SENP7: variants seen among roughly 807,000 people sequenced by gnomAD.
The protein encoded by SENP7 is sentrin-specific protease 7.
SENP7 carries 64 observed loss-of-function variants against 141.2 expected under a neutral mutation model. The ratio of observed to expected loss-of-function variants is 0.45; its 90% CI spans 0.37 to 0.56. The LOEUF (loss-of-function observed/expected upper bound fraction) is 0.56, where lower values mean the gene tolerates loss of function less well. SENP7 is among the 20% of genes least tolerant of loss of function. The pLI is 0.00. For synonymous variants in SENP7, 382 were observed against 426.4 expected (o/e 0.90, Z 1.28); for missense variants, 1,025 against 1,212.2 (o/e 0.85, Z 2.29).
chr3:101,474,160 C>T (rs1282939765), intron 3 of SENP7, among the ~76,000 whole-genome samples: 1 of 152,050 alleles, frequency 6.6e-6, no homozygotes, highest in Non-Finnish European at 1.5e-5. Context: ...CTTAGGATTG[C>T]CTTGACCATT....
At position 101,398,945 on chromosome 3, in the gene SENP7, G is replaced by A. The variant is rs771417070; in HGVS notation, c.593C>T (p.Ser198Leu). The A allele has an allele frequency of 1.9e-6, 3 of 1,613,772 alleles. No homozygotes were observed. Among genetic ancestry groups the A allele is most frequent in the Non-Finnish European group, 2.5e-6 (3 of 1,179,842 alleles). ...GSLSDTDNLQ[S>L]EQLSSSSDGS... Reference sequence around the variant, plus strand: ...ATCAGATGATGAAGAAAGTTGCTCTGATTGCAAGTTGTCTGTATCACTCAA... The same window carrying A: ...ATCAGATGATGAAGAAAGTTGCTCTAATTGCAAGTTGTCTGTATCACTCAA... The change falls in exon 6 of 24, where the codon TCA becomes TTA. Residue 198 changes from serine to leucine, a missense_variant. Physicochemically the swap from Ser to Leu is moderately radical, Grantham distance 145. Coordinates refer to ENST00000394095, the MANE Select transcript of SENP7 (RefSeq NM_020654.5).
chr3:101,398,920 A>G lies in SENP7; in HGVS notation c.618T>C (p.Asp206=), dbSNP rs2061052291. Residue 206 remains aspartate (D), a synonymous_variant, in exon 6 of 24, where the codon GAT becomes GAC. Coordinates refer to ENST00000394095, the MANE Select transcript of SENP7 (RefSeq NM_020654.5). ...LQSEQLSSSS[D]GSLESYQNLN... is the part of the protein sequence containing the mutation. Reference sequence around the variant, plus strand: ...GATTTTGATAAGATTCTAGGCTGCCATCAGATGATGAAGAAAGTTGCTCTG... The same window carrying G: ...GATTTTGATAAGATTCTAGGCTGCCGTCAGATGATGAAGAAAGTTGCTCTG... 6.2e-7 allele frequency: 1 copy of G among 1,612,684 alleles called. No homozygotes were observed. Among genetic ancestry groups the G allele is most frequent in the Admixed American group, 1.7e-5 (1 of 59,966 alleles).
chr3:101,327,664 A>G lies in SENP7; in HGVS notation c.3015+2T>C. 6.3e-7 allele frequency: 1 copy of G among 1,592,962 alleles called. No individual in the cohort carries two copies. Among genetic ancestry groups the G allele is most frequent in the Non-Finnish European group, 8.5e-7 (1 of 1,171,666 alleles). On this transcript the variant is annotated splice_donor_variant, in intron 23 of 23. Coordinates refer to ENST00000394095, the MANE Select transcript of SENP7 (RefSeq NM_020654.5). LOFTEE classifies it high-confidence loss of function. Reference sequence around the variant, plus strand: ...TAAAAACTTATTTATAGCTTCACATACCTTGAAGAAGCTTTCCACATACTG... The same window carrying G: ...TAAAAACTTATTTATAGCTTCACATGCCTTGAAGAAGCTTTCCACATACTG...
intron 6 of SENP7, among the ~76,000 whole-genome samples, chr3:101,384,670 C>T (rs2060601849): frequency 6.6e-6 from 1 of 152,234 alleles, no homozygotes; most frequent in Admixed American, 6.5e-5. Flanking sequence ...CCACTCTGCA[C>T]CTGGCTCGCC....
intron 4 of SENP7, among the ~76,000 whole-genome samples, chr3:101,428,522 T>C (rs1576319454): frequency 6.6e-6 from 1 of 152,254 alleles, no homozygotes; most frequent in East Asian, 1.9e-4. Flanking sequence ...GTTCATACCC[T>C]TCACCTACTT....
At chr3:101,396,854 G>T (rs533735462) in intron 6 of SENP7, among the ~76,000 whole-genome samples, 21 of 152,206 alleles carry the variant, frequency 1.4e-4, no homozygotes, top group African/African-American at 4.6e-4. Flanking sequence ...TTTTTTGTGT[G>T]TTTTTTGAGA....
At chr3:101,350,736 T>G (rs2059592299) in intron 12 of SENP7, among the ~76,000 whole-genome samples, 1 of 152,034 alleles carries the variant, frequency 6.6e-6, no homozygotes, top group African/African-American at 2.4e-5. Flanking sequence ...TCTGAAATTA[T>G]CATCCCCTTT....
At chr3:101,328,867 G>C (rs140497720) in intron 20 of SENP7, among the ~76,000 whole-genome samples, 178 bp from the exon 21 acceptor site, 3 of 152,024 alleles carry the variant, frequency 2.0e-5, no homozygotes, top group Admixed American at 6.6e-5. Context: ...TAAAACAGTA[G>C]GCTATATACT....
At chr3:101,360,745 C>G (rs1455097368) in intron 11 of SENP7, among the ~76,000 whole-genome samples, 2 of 152,078 alleles carry the variant, frequency 1.3e-5, no homozygotes, top group Non-Finnish European at 2.9e-5. Flanking sequence ...ATAAAACACA[C>G]AGAATAAATC....
chr3:101,467,681 T>C (rs2063812334), intron 3 of SENP7, among the ~76,000 whole-genome samples: 1 of 152,152 alleles, frequency 6.6e-6, no homozygotes, highest in Non-Finnish European at 1.5e-5. Flanking sequence ...AAAGGTCATC[T>C]ACACCAAAAC....
chr3:101,464,169 T>A (rs1459218712), intron 3 of SENP7, among the ~76,000 whole-genome samples: 2 of 152,072 alleles, frequency 1.3e-5, no homozygotes, highest in African/African-American at 2.4e-5. Context: ...TCTGAGAGGA[T>A]GAACTCTCTG....
At chr3:101,384,526 C>A (rs1434589611) in intron 6 of SENP7, among the ~76,000 whole-genome samples, 1 of 152,226 alleles carries the variant, frequency 6.6e-6, no homozygotes, top group Non-Finnish European at 1.5e-5. Flanking sequence ...ACTTGCAGTA[C>A]GACTGGTCCA....
intron 4 of SENP7, 39 bp downstream of exon 4, chr3:101,458,916 G>T: frequency 8.3e-7 from 1 of 1,208,906 alleles, no homozygotes; most frequent in Non-Finnish European, 1.2e-6. Context: ...CAACTTTATA[G>T]GTTAAGCCCA....
intron 12 of SENP7, among the ~76,000 whole-genome samples, chr3:101,348,290 C>T (rs549796519): frequency 6.9e-4 from 105 of 152,064 alleles, no homozygotes; most frequent in Non-Finnish European, 1.1e-3. Context: ...TATTAAATGA[C>T]AATTAAATAG....
chr3:101,362,950 C>T (rs1014571763), intron 10 of SENP7, among the ~76,000 whole-genome samples: 4 of 152,146 alleles, frequency 2.6e-5, no homozygotes, highest in Non-Finnish European at 5.9e-5. Flanking sequence ...TCAACTTTTT[C>T]AAATGTGCCT....
intron 3 of SENP7, among the ~76,000 whole-genome samples, chr3:101,486,577 A>G (rs2064739060): frequency 6.6e-6 from 1 of 152,212 alleles, no homozygotes; most frequent in African/African-American, 2.4e-5. Flanking sequence ...GCCACTACCA[A>G]GCCACCACTA....
Position 101,414,517 on chromosome 3 carries a change from C to T in SENP7, c.482+3076G>A, listed in dbSNP as rs1207969498. On this transcript the variant is annotated intron_variant, in intron 5 of 23. Transcript: ENST00000394095. ...TTCAATAGCTGCTGGGAGTAAGGAG[C>T]TTCAGGTGAAGCAGCAGCTGGACGG... 4.5e-6 allele frequency: 7 copies of T among 1,571,148 alleles called. No individual in the cohort carries two copies. The Admixed American group carries it at 1.2e-4, about 26-fold the overall frequency.
chr3:101,369,231 C>T (rs143771741), intron 7 of SENP7, among the ~76,000 whole-genome samples: 186 of 152,302 alleles, frequency 1.2e-3, no homozygotes, highest in African/African-American at 4.3e-3. Context: ...CATACAAGTA[C>T]CAACTCAAAG....
chr3:101,423,012 T>C (rs1309005265), intron 4 of SENP7, among the ~76,000 whole-genome samples: 2 of 152,182 alleles, frequency 1.3e-5, no homozygotes, highest in Non-Finnish European at 2.9e-5. Context: ...GTCCTACATT[T>C]TGATTCCGGA....
Sources: allele counts gnomAD v4.1 joint callset (sites outside exome capture counted in the v4.1 genomes callset), GRCh38; gene constraint gnomAD v4.1.1; transcripts MANE v1.5; gene names NCBI Gene and HGNC (gene_info 2026-07-23, HGNC 2026-07-21).